GATAD2B: variants seen among roughly 807,000 people sequenced by gnomAD.
The protein encoded by GATAD2B is GATA zinc finger domain containing 2B, also known as transcriptional repressor p66-beta.
A neutral mutation model predicts 64.3 loss-of-function variants in GATAD2B; 8 were observed. That is an observed-to-expected ratio of 0.12 (90% CI 0.07 to 0.22). GATAD2B has a LOEUF of 0.22. Among genes scored for constraint, GATAD2B ranks in the 10% least tolerant of loss-of-function variants. GATAD2B has a pLI of 1.00. For synonymous variants in GATAD2B, 281 were observed against 271.3 expected (o/e 1.04, Z -0.35); for missense variants, 453 against 752.0 (o/e 0.60, Z 4.65).
At chr1:153,904,279 CAAATAAAT>C (rs71093301) in intron 1 of GATAD2B, among the ~76,000 whole-genome samples, 4,385 of 147,324 alleles carry the variant, frequency 0.03, 97 homozygotes, top group Non-Finnish European at 0.038. Flanking sequence ...AACTCCATCT[CAAATAAAT>C]AAATAAATAA....
chr1:153,865,217 T>G (rs906341906), intron 1 of GATAD2B, among the ~76,000 whole-genome samples: 1 of 152,214 alleles, frequency 6.6e-6, no homozygotes, highest in African/African-American at 2.4e-5. Flanking sequence ...CCCAGCACTA[T>G]GGTAGGCCAA....
chr1:153,870,990 G>A (rs990545723), intron 1 of GATAD2B, among the ~76,000 whole-genome samples: 9 of 151,296 alleles, frequency 5.9e-5, no homozygotes, highest in African/African-American at 2.2e-4. Context: ...TTGGCTCACT[G>A]CAACCTCTGC....
At chr1:153,835,361 G>A (rs1234152351) in intron 1 of GATAD2B, among the ~76,000 whole-genome samples, 1 of 152,064 alleles carries the variant, frequency 6.6e-6, no homozygotes, top group East Asian at 1.9e-4. Context: ...AGTACCGCAT[G>A]CTATATGAAA....
chr1:153,861,963 A>G (rs1236767711), intron 1 of GATAD2B, among the ~76,000 whole-genome samples: 6 of 150,292 alleles, frequency 4.0e-5, no homozygotes, highest in Non-Finnish European at 8.9e-5. Context: ...AATTCCGCAT[A>G]CTGCAACCTT....
Position 153,828,353 on chromosome 1 carries a change from G to T in GATAD2B, c.-1-5C>A, listed in dbSNP as rs971535986. The T allele has an allele frequency of 1.2e-5, 20 of 1,600,768 alleles. No individual in the cohort carries two copies. The highest frequency in any genetic ancestry group is 1.6e-5 in the Non-Finnish European group (19 of 1,176,516). ...TCTTCTGTCATTCTATCCATCCTAT[G>T]GAAAGAAAAATACAAGTAAGATCAG... On this transcript the variant is annotated splice_region_variant and splice_polypyrimidine_tract_variant and intron_variant, in intron 1 of 10. Coordinates refer to ENST00000368655, the MANE Select transcript of GATAD2B (RefSeq NM_020699.4).
At chr1:153,875,342 A>G (rs1460172640) in intron 1 of GATAD2B, among the ~76,000 whole-genome samples, 1 of 152,052 alleles carries the variant, frequency 6.6e-6, no homozygotes, top group Non-Finnish European at 1.5e-5. Context: ...CACTAACACT[A>G]AAGATAGCTG....
intron 1 of GATAD2B, among the ~76,000 whole-genome samples, chr1:153,829,450 T>C (rs1282780339): frequency 1.3e-5 from 2 of 152,172 alleles, no homozygotes; most frequent in African/African-American, 2.4e-5. Context: ...TTTTTTTCTA[T>C]TCCAGGGCTG....
intron 1 of GATAD2B, among the ~76,000 whole-genome samples, chr1:153,876,073 C>T (rs1676818196): frequency 6.6e-6 from 1 of 151,434 alleles, no homozygotes; most frequent in African/African-American, 2.4e-5. Flanking sequence ...CTAAAAAATA[C>T]AAAAATTAGC....
At position 153,807,997 on chromosome 1, in the gene GATAD2B, CCAAA is replaced by C. The variant is rs1272540085; in HGVS notation, c.*2176_*2179del. ...TTTTGTGGAAGAGAGAAAAGCAAAA[CCAAA>C]CAATTTATCCAGTGCTTTCAAAGCA... On this transcript the variant is annotated 3_prime_UTR_variant, in exon 11 of 11. Transcript: ENST00000368655. 1 of 152,244 alleles carries C rather than the reference CCAAA, an allele frequency of 6.6e-6. No individual in the cohort carries two copies. The highest frequency in any genetic ancestry group is 2.4e-5 in the African/African-American group (1 of 41,292). The allele number at this position is 152,244 out of a possible 1,614,324, so 9.4% of individuals were successfully genotyped here.
At chr1:153,861,299 C>G (rs1676271051) in intron 1 of GATAD2B, among the ~76,000 whole-genome samples, 1 of 151,876 alleles carries the variant, frequency 6.6e-6, no homozygotes, top group African/African-American at 2.4e-5. Context: ...TGCCTGTAAC[C>G]CTAGCACTCT....
chr1:153,840,388 A>G (rs1360199341), intron 1 of GATAD2B, among the ~76,000 whole-genome samples: 1 of 149,954 alleles, frequency 6.7e-6, no homozygotes, highest in Non-Finnish European at 1.5e-5. Flanking sequence ...CCCAGGCTGG[A>G]GTGCAATGGC....
At chr1:153,883,648 CCATT>C (rs1313928899) in intron 1 of GATAD2B, among the ~76,000 whole-genome samples, 1 of 152,000 alleles carries the variant, frequency 6.6e-6, no homozygotes, top group African/African-American at 2.4e-5. Flanking sequence ...TTTTAACAAC[CCATT>C]CAAAGATAAT....
At position 153,808,280 on chromosome 1, in the gene GATAD2B, G is replaced by C. The variant is rs994457665; in HGVS notation, c.*1897C>G. On this transcript the variant is annotated 3_prime_UTR_variant, in exon 11 of 11. Transcript: ENST00000368655. ...CTCCTTTAAGTGCTCAATGAATTTGGGGTAAGGGAGGAAAGAAAAAAGCCA... is the reference window on the plus strand; with the variant it reads ...CTCCTTTAAGTGCTCAATGAATTTGCGGTAAGGGAGGAAAGAAAAAAGCCA... 6.6e-6 allele frequency: 1 copy of C among 152,502 alleles called. No homozygotes were observed. The highest frequency in any genetic ancestry group is 1.5e-5 in the Non-Finnish European group (1 of 68,044). 9.4% of individuals were successfully genotyped at this position (152,502 alleles called of 1,614,324 possible). A position where few individuals can be genotyped will look rare whatever the true frequency, so the allele number is the denominator to read the frequency against.
chr1:153,920,918 T>C (rs1268330600), intron 1 of GATAD2B, among the ~76,000 whole-genome samples: 3 of 152,174 alleles, frequency 2.0e-5, no homozygotes, highest in Non-Finnish European at 2.9e-5. Context: ...TCTGCTTATA[T>C]GAATCCGATC....
intron 1 of GATAD2B, among the ~76,000 whole-genome samples, chr1:153,876,532 C>T (rs1178466760): frequency 6.6e-6 from 1 of 152,138 alleles, no homozygotes; most frequent in Non-Finnish European, 1.5e-5. Flanking sequence ...TAACATACTG[C>T]TCAGTAATAT....
chr1:153,909,013 C>A (rs1375959104), intron 1 of GATAD2B, among the ~76,000 whole-genome samples: 3 of 151,924 alleles, frequency 2.0e-5, no homozygotes, highest in African/African-American at 7.2e-5. Flanking sequence ...CCTGCCTGGA[C>A]AACACAGCGA....
In GATAD2B at chr1:153,805,058, A is replaced by G. The variant is rs995312349; in HGVS notation, c.*5119T>C. The stretch of plus-strand genomic sequence containing the variant: ...TTCAGGGAAGGCCATTCCCCATCCC[A>G]CCTCCCTGCTCCCCACCCCCCAACC... On this transcript the variant is annotated 3_prime_UTR_variant, in exon 11 of 11. Transcript: ENST00000368655. 5 of 19,564 alleles carry G rather than the reference A, an allele frequency of 2.6e-4. No homozygotes were observed. Among genetic ancestry groups the G allele is most frequent in the African/African-American group, 1.0e-3 (5 of 4,772 alleles). 1.2% of individuals were successfully genotyped at this position (19,564 alleles called of 1,614,324 possible).
intron 1 of GATAD2B, among the ~76,000 whole-genome samples, chr1:153,922,288 T>TA (rs570451535): frequency 0.041 from 4,802 of 116,122 alleles, 234 homozygotes; most frequent in African/African-American, 0.12. Context: ...TGGAGAGAGT[T>TA]AAAAAAAAAA....
chr1:153,827,044 G>A (rs565023161), intron 2 of GATAD2B, among the ~76,000 whole-genome samples: 8 of 150,874 alleles, frequency 5.3e-5, no homozygotes, highest in Admixed American at 3.3e-4. Context: ...TCAGGAATTC[G>A]AGACCAGCCT....
Sources: gnomAD v4.1 joint callset for allele counts (sites outside exome capture counted in the v4.1 genomes callset) on GRCh38, gnomAD v4.1.1 for gene constraint, MANE v1.5 for transcripts, NCBI Gene and HGNC (gene_info 2026-07-23, HGNC 2026-07-21) for gene names.